TRHDE: variants seen among roughly 807,000 people sequenced by gnomAD.
TRHDE encodes the protein thyrotropin-releasing hormone-degrading ectoenzyme.
In TRHDE, 72 loss-of-function variants were observed where a neutral mutation model predicts 125.7. The ratio of observed to expected loss-of-function variants is 0.57; its 90% CI spans 0.47 to 0.70. The LOEUF (loss-of-function observed/expected upper bound fraction) is 0.70. TRHDE is among the 30% of genes least tolerant of loss of function. The pLI is 0.00. For synonymous variants in TRHDE, 509 were observed against 509.1 expected (o/e 1.00, Z 0.00); for missense variants, 1,110 against 1,327.1 (o/e 0.84, Z 2.54).
chr12:72,118,597 A>G (rs549496314), intron 2 of TRHDE, among the ~76,000 whole-genome samples: 29 of 151,918 alleles, frequency 1.9e-4, no homozygotes, highest in South Asian at 2.1e-4. Flanking sequence ...CTCCTTTTCT[A>G]CTTTTTGGAA....
chr12:72,185,867 ACT>A (rs1397303608), intron 2 of TRHDE, among the ~76,000 whole-genome samples: 1 of 151,886 alleles, frequency 6.6e-6, no homozygotes, highest in Non-Finnish European at 1.5e-5. Context: ...TGAATGCACC[ACT>A]CTGTATCTAG....
At chr12:72,314,966 AT>A (rs1367910326) in intron 2 of TRHDE, among the ~76,000 whole-genome samples, 1 of 152,180 alleles carries the variant, frequency 6.6e-6, no homozygotes, top group African/African-American at 2.4e-5. Context: ...TTTTAATATA[AT>A]TCATGTTTTA....
intron 2 of TRHDE, among the ~76,000 whole-genome samples, chr12:72,332,276 C>T (rs907069976): frequency 6.6e-6 from 1 of 152,104 alleles, no homozygotes; most frequent in Non-Finnish European, 1.5e-5. Flanking sequence ...GTAGCTGGGA[C>T]TACAGGCACC....
At chr12:72,543,935 A>G (rs1869284226) in intron 7 of TRHDE, among the ~76,000 whole-genome samples, 1 of 151,034 alleles carries the variant, frequency 6.6e-6, no homozygotes, top group African/African-American at 2.4e-5. Context: ...TTTATATGAA[A>G]CAGTTAGAAT....
chr12:72,217,283 C>T (rs566724718), intron 2 of TRHDE, among the ~76,000 whole-genome samples: 1 of 152,090 alleles, frequency 6.6e-6, no homozygotes, highest in Non-Finnish European at 1.5e-5. Flanking sequence ...AATCAAGTTA[C>T]TCTATAACCT....
chr12:72,573,697 G>A (rs1477335677), intron 10 of TRHDE, among the ~76,000 whole-genome samples: 2 of 151,820 alleles, frequency 1.3e-5, no homozygotes, highest in Admixed American at 1.3e-4. Context: ...TCTTTTTCCA[G>A]TGCCATTTTC....
chr12:72,621,796 C>A (rs974976375), intron 15 of TRHDE, 45 bp downstream of exon 15: 3 of 1,396,270 alleles, frequency 2.1e-6, no homozygotes, highest in Non-Finnish European at 3.0e-6. Context: ...TTTAATAGTG[C>A]TTTCAGAGTC....
intron 5 of TRHDE, among the ~76,000 whole-genome samples, chr12:72,476,460 A>G (rs935811739): frequency 6.6e-6 from 1 of 152,226 alleles, no homozygotes; most frequent in African/African-American, 2.4e-5. Context: ...TCAGCAAAAG[A>G]GTGAAAGAAA....
At chr12:72,496,260 T>C (rs777394326) in intron 5 of TRHDE, among the ~76,000 whole-genome samples, 2 of 152,182 alleles carry the variant, frequency 1.3e-5, no homozygotes, top group Non-Finnish European at 2.9e-5. Context: ...CACAAATCAT[T>C]CCATTTAACA....
chr12:72,092,746 A>G (rs1263022734), intron 1 of TRHDE, among the ~76,000 whole-genome samples: 1 of 152,230 alleles, frequency 6.6e-6, no homozygotes, highest in Non-Finnish European at 1.5e-5. Flanking sequence ...TGCATGTACT[A>G]AGAATGGGAG....
chr12:72,518,828 T>C (rs973845207), intron 6 of TRHDE, among the ~76,000 whole-genome samples: 28 of 152,316 alleles, frequency 1.8e-4, no homozygotes, highest in African/African-American at 5.3e-4. Context: ...GGAGCTCTTT[T>C]AGGGCAGGCC....
intron 2 of TRHDE, among the ~76,000 whole-genome samples, chr12:72,145,397 A>G (rs1405225232): frequency 1.3e-5 from 2 of 152,200 alleles, no homozygotes; most frequent in Non-Finnish European, 2.9e-5. Flanking sequence ...GAAGAACCAT[A>G]GTTTATTCAA....
chr12:72,161,431 C>CA (rs36001406), intron 2 of TRHDE, among the ~76,000 whole-genome samples: 8,717 of 74,952 alleles, frequency 0.12, 475 homozygotes, highest in African/African-American at 0.21. Context: ...GACTCCGTCT[C>CA]AAAAAAAAAA....
chr12:72,369,974 C>G (rs1325397666), intron 2 of TRHDE, among the ~76,000 whole-genome samples: 1 of 152,052 alleles, frequency 6.6e-6, no homozygotes, highest in East Asian at 1.9e-4. Context: ...CCTAGTTACT[C>G]TAAAAGAAGA....
At chr12:72,306,652 C>T (rs142773848) in intron 2 of TRHDE, 2 of 152,256 alleles carry the variant, frequency 1.3e-5, no homozygotes, top group Admixed American at 1.3e-4. Flanking sequence ...TAAATTTTTA[C>T]ATTTTCCAGG....
chr12:72,168,816 T>G lies in TRHDE; in HGVS notation n.279+63064T>G, dbSNP rs530748752. Among the ~76,000 whole-genome samples the G allele has an allele frequency of 3.9e-5, 6 of 152,316 alleles. No homozygotes were observed. In the South Asian group the frequency reaches 1.2e-3, roughly 32 times the overall value. ...GCAACTTGTTTTAATTTAGTCCAAA[T>G]GTAGACAATGTTTCTCAAATGTTCT... On this transcript the variant is annotated intron_variant and non_coding_transcript_variant, in intron 2 of 4. Coordinates refer to the TRHDE transcript ENST00000548156.
intron 3 of TRHDE, among the ~76,000 whole-genome samples, chr12:72,412,498 G>A (rs1229367171): frequency 2.0e-5 from 3 of 152,068 alleles, no homozygotes; most frequent in African/African-American, 4.8e-5. Flanking sequence ...AGGAAGGTTT[G>A]TCATTATCTA....
chr12:72,599,906 CTT>C (rs1872139002), intron 12 of TRHDE, among the ~76,000 whole-genome samples: 1 of 151,924 alleles, frequency 6.6e-6, no homozygotes, highest in Non-Finnish European at 1.5e-5. Flanking sequence ...TCCATCTTGA[CTT>C]AATTTTTTTG....
At chr12:72,623,645 C>T (rs1389986013) in intron 15 of TRHDE, among the ~76,000 whole-genome samples, 2 of 151,812 alleles carry the variant, frequency 1.3e-5, no homozygotes, top group South Asian at 2.1e-4. Flanking sequence ...AGTGTGAACA[C>T]AAAGAAAGGA....
Sources: allele counts gnomAD v4.1 joint callset (sites outside exome capture counted in the v4.1 genomes callset), GRCh38; gene constraint gnomAD v4.1.1; transcripts MANE v1.5; gene names NCBI Gene and HGNC (gene_info 2026-07-23, HGNC 2026-07-21).